Variants in ARB2A observed in about 807,000 individuals in gnomAD.
The protein encoded by ARB2A is ARB2 cotranscriptional regulator A.
At chr5:93,703,293 G>C in the ARB2A span, among the ~76,000 whole-genome samples, 12 of 152,248 alleles carry the variant, frequency 7.9e-5, no homozygotes, top group African/African-American at 2.9e-4. Context: ...GAAGTAGTGT[G>C]GTTTGCAACT....
the ARB2A span, among the ~76,000 whole-genome samples, chr5:93,772,837 G>T: frequency 6.6e-6 from 1 of 152,184 alleles, no homozygotes; most frequent in African/African-American, 2.4e-5. Context: ...TTCCATCACA[G>T]TGAGCAAGCT....
At chr5:93,893,945 G>C in the ARB2A span, among the ~76,000 whole-genome samples, 1 of 152,074 alleles carries the variant, frequency 6.6e-6, no homozygotes, top group Non-Finnish European at 1.5e-5. Flanking sequence ...TATTCTCCAA[G>C]ACTCTTACTT....
chr5:93,728,161 A>G, the ARB2A span, among the ~76,000 whole-genome samples: 1 of 152,102 alleles, frequency 6.6e-6, no homozygotes, highest in Non-Finnish European at 1.5e-5. Context: ...AATAATTCTT[A>G]CAAAGGTGGT....
At chr5:94,006,382 G>A in the ARB2A span, among the ~76,000 whole-genome samples, 1 of 152,112 alleles carries the variant, frequency 6.6e-6, no homozygotes, top group African/African-American at 2.4e-5. Context: ...GGGAGGGTTG[G>A]GACAGGCAGA....
the ARB2A span, among the ~76,000 whole-genome samples, chr5:93,750,050 C>T: frequency 4.6e-5 from 7 of 152,130 alleles, no homozygotes; most frequent in African/African-American, 1.7e-4. Context: ...AGAAGTCATG[C>T]CTAATACTCT....
the ARB2A span, among the ~76,000 whole-genome samples, chr5:93,677,020 T>A: frequency 6.6e-6 from 1 of 152,216 alleles, no homozygotes; most frequent in Non-Finnish European, 1.5e-5. Context: ...AATATCATCA[T>A]CCTACGAATA....
the ARB2A span, among the ~76,000 whole-genome samples, chr5:94,030,681 T>C: frequency 6.6e-6 from 1 of 152,230 alleles, no homozygotes; most frequent in Admixed American, 6.5e-5. Flanking sequence ...AAAACTCATG[T>C]TGAAATTTAA....
chr5:94,095,195 G>A, the ARB2A span, among the ~76,000 whole-genome samples: 11 of 152,304 alleles, frequency 7.2e-5, no homozygotes, highest in East Asian at 1.7e-3. Context: ...CACATAGTTA[G>A]TATTTCTGGC....
At chr5:94,076,790 T>C in the ARB2A span, among the ~76,000 whole-genome samples, 1 of 152,168 alleles carries the variant, frequency 6.6e-6, no homozygotes, top group Non-Finnish European at 1.5e-5. Context: ...TCCAGGAGAC[T>C]TCCCTTCACT....
the ARB2A span, among the ~76,000 whole-genome samples, chr5:93,685,473 G>GA: frequency 6.6e-6 from 1 of 152,052 alleles, no homozygotes; most frequent in East Asian, 1.9e-4. Flanking sequence ...TTTCCAGACT[G>GA]AAAAAAAGTT....
the ARB2A span, among the ~76,000 whole-genome samples, chr5:93,824,472 A>C: frequency 6.6e-6 from 1 of 152,282 alleles, no homozygotes; most frequent in South Asian, 2.1e-4. Flanking sequence ...AAAAAATAGA[A>C]TTAAAAGATA....
chr5:93,687,378 T>C, the ARB2A span, among the ~76,000 whole-genome samples: 1 of 152,316 alleles, frequency 6.6e-6, no homozygotes, highest in African/African-American at 2.4e-5. Context: ...ATTTCACTTT[T>C]TGAAATTTAT....
the ARB2A span, among the ~76,000 whole-genome samples, chr5:94,010,872 G>C: frequency 6.6e-6 from 1 of 152,124 alleles, no homozygotes; most frequent in Non-Finnish European, 1.5e-5. Context: ...AGTTCATAAT[G>C]GGTTGAGTGT....
chr5:93,706,759 G>A, the ARB2A span, among the ~76,000 whole-genome samples: 4 of 151,904 alleles, frequency 2.6e-5, no homozygotes, highest in South Asian at 2.1e-4. Flanking sequence ...CCAGCTACTC[G>A]GGAGGCTGAG....
chr5:93,975,852 T>C, the ARB2A span, among the ~76,000 whole-genome samples: 1 of 152,018 alleles, frequency 6.6e-6, no homozygotes, highest in Non-Finnish European at 1.5e-5. Context: ...TTCTACTAGA[T>C]ACGCAAAGAG....
At chr5:93,639,153 T>C in the ARB2A span, among the ~76,000 whole-genome samples, 1 of 152,320 alleles carries the variant, frequency 6.6e-6, no homozygotes, top group East Asian at 1.9e-4. Flanking sequence ...TCTTTTTTGA[T>C]TGATTTCTTA....
chr5:93,879,296 C>T, the ARB2A span, among the ~76,000 whole-genome samples: 1 of 151,950 alleles, frequency 6.6e-6, no homozygotes, highest in Non-Finnish European at 1.5e-5. Context: ...CACATCTCTG[C>T]TATTTTGCAA....
chr5:94,036,464 A>G, the ARB2A span, among the ~76,000 whole-genome samples: 1,733 of 152,234 alleles, frequency 0.011, 49 homozygotes, highest in East Asian at 0.12. Flanking sequence ...GATATTGGCA[A>G]TTTCTCCTTT....
the ARB2A span, among the ~76,000 whole-genome samples, chr5:93,842,329 C>T: frequency 6.6e-6 from 1 of 152,152 alleles, no homozygotes; most frequent in Admixed American, 6.6e-5. Context: ...TTTCACCTCA[C>T]AACAGTAGAG....
Sources: gnomAD v4.1 joint callset for allele counts (sites outside exome capture counted in the v4.1 genomes callset) on GRCh38, gnomAD v4.1.1 for gene constraint, MANE v1.5 for transcripts, NCBI Gene and HGNC (gene_info 2026-07-23, HGNC 2026-07-21) for gene names.